TMED8: variants seen among roughly 807,000 people sequenced by gnomAD.
The protein encoded by TMED8 is protein TMED8.
Under a neutral mutation model 32.7 loss-of-function variants are expected in TMED8, and 15 were observed. That is an observed-to-expected ratio of 0.46 (90% CI 0.31 to 0.71). TMED8 has a LOEUF of 0.71. TMED8 is among the 30% of genes least tolerant of loss of function. TMED8 has a pLI of 0.06. For synonymous variants in TMED8, 147 were observed against 161.4 expected (o/e 0.91, Z 0.68); for missense variants, 390 against 423.9 (o/e 0.92, Z 0.70).
Position 77,335,367 on chromosome 14 carries a change from G to T in TMED8, c.*6404C>A, listed in dbSNP as rs1892737027. 1 of 152,158 alleles carries T rather than the reference G, an allele frequency of 6.6e-6. No individual in the cohort carries two copies. Among genetic ancestry groups the T allele is most frequent in the Non-Finnish European group, 1.5e-5 (1 of 68,018 alleles). 9.4% of individuals were successfully genotyped at this position (152,158 alleles called of 1,614,324 possible). The stretch of plus-strand genomic sequence containing the variant: ...ATAAATGATTAGTTGGGATACTTTT[G>T]TATTTTAAAGAAAAAAGATAAAACA... On this transcript the variant is annotated 3_prime_UTR_variant, in exon 6 of 6. Coordinates refer to ENST00000216468, the MANE Select transcript of TMED8 (RefSeq NM_213601.3).
intron 1 of TMED8, among the ~76,000 whole-genome samples, chr14:77,362,530 AC>A (rs1893462815): frequency 6.6e-6 from 1 of 152,338 alleles, no homozygotes; most frequent in Non-Finnish European, 1.5e-5. Flanking sequence ...ATAGAAAATC[AC>A]CAAATCACAA....
Position 77,336,699 on chromosome 14 carries a change from C to T in TMED8, c.*5072G>A, listed in dbSNP as rs572332989. On this transcript the variant is annotated 3_prime_UTR_variant, in exon 6 of 6. Transcript: ENST00000216468. ...CCTCGTTGTGATCAATTTTAAAAGA[C>T]AGTTCTCAAGCAGCACAAAACGGTG... is the stretch of plus-strand genomic sequence containing the variant. The T allele has an allele frequency of 1.3e-5, 2 of 151,612 alleles. No homozygotes were observed. Among genetic ancestry groups the T allele is most frequent in the South Asian group, 2.1e-4 (1 of 4,762 alleles). The allele number at this position is 151,612 out of a possible 1,614,324, so 9.4% of individuals were successfully genotyped here. A position where few individuals can be genotyped will look rare whatever the true frequency, so the allele number is the denominator to read the frequency against.
Position 77,343,252 on chromosome 14 carries a change from G to A in TMED8, c.686C>T (p.Thr229Ile). The change falls in exon 5 of 6, where the codon ACT (threonine) becomes ATT (isoleucine). Residue 229 changes from threonine to isoleucine, a missense_variant. By Grantham distance (89) the Thr-to-Ile change is moderately conservative. Transcript: ENST00000216468. ...VYFDWTPVTS[T>I]DITVQVSDSS... ...ATCACTGACCTGCACAGTTATGTCA[G>A]TGCTAGTTACAGGGGTCCAGTCAAA... 1 of 1,614,190 alleles carries A rather than the reference G, an allele frequency of 6.2e-7. No homozygotes were observed.
At chr14:77,352,605 G>A (rs1893204994) in intron 1 of TMED8, among the ~76,000 whole-genome samples, 1 of 151,536 alleles carries the variant, frequency 6.6e-6, no homozygotes, top group African/African-American at 2.4e-5. Context: ...CGGGCATGGT[G>A]GCACGCAGCT....
intron 1 of TMED8, among the ~76,000 whole-genome samples, chr14:77,369,950 G>C (rs1474170298): frequency 6.6e-6 from 1 of 152,178 alleles, no homozygotes; most frequent in Non-Finnish European, 1.5e-5. Flanking sequence ...GAGGCGGGCA[G>C]ATCACAAGGT....
intron 1 of TMED8, among the ~76,000 whole-genome samples, chr14:77,370,906 G>A (rs531480629): frequency 8.6e-5 from 13 of 151,718 alleles, no homozygotes; most frequent in African/African-American, 2.7e-4. Context: ...CTAAGATCAC[G>A]CCATTGCACT....
intron 1 of TMED8, among the ~76,000 whole-genome samples, chr14:77,363,380 A>G (rs1893481153): frequency 6.6e-6 from 1 of 152,348 alleles, no homozygotes; most frequent in Non-Finnish European, 1.5e-5. Context: ...GTTGAGAAGA[A>G]ATCAAAAGAG....
At chr14:77,355,800 T>C (rs545514064) in intron 1 of TMED8, among the ~76,000 whole-genome samples, 2 of 152,296 alleles carry the variant, frequency 1.3e-5, no homozygotes, top group African/African-American at 4.8e-5. Flanking sequence ...GTGTTGGCCA[T>C]AGTTCATTGG....
chr14:77,354,720 G>A (rs1893252368), intron 1 of TMED8, among the ~76,000 whole-genome samples: 1 of 152,176 alleles, frequency 6.6e-6, no homozygotes, highest in Admixed American at 6.5e-5. Context: ...TTGGGAGGCC[G>A]AGGAAGGTGG....
rs750332638 is a variant in TMED8, at chr14:77,346,437, T to C, written c.239A>G (p.Asp80Gly). The C allele has an allele frequency of 2.5e-6, 4 of 1,614,048 alleles. No homozygotes were observed. Among genetic ancestry groups the C allele is most frequent in the Middle Eastern group, 3.3e-4 (2 of 6,084 alleles). Residue 80 changes from aspartate to glycine, a missense_variant, in exon 3 of 6, where the codon GAT becomes GGT. By Grantham distance (94) the Asp-to-Gly change is moderately conservative. Coordinates refer to ENST00000216468, the MANE Select transcript of TMED8 (RefSeq NM_213601.3). ...VSPVSKDATE[D>G]LRKATGPLEA... is the part of the protein sequence containing the mutation. ...CAAAGGACCAGTTGCTTTCCGCAGA[T>C]CTTCCGTGGCATCCTTACTCACTGG...
intron 2 of TMED8, among the ~76,000 whole-genome samples, chr14:77,348,608 T>C (rs1316764952): frequency 6.6e-6 from 1 of 152,198 alleles, no homozygotes; most frequent in Non-Finnish European, 1.5e-5. Flanking sequence ...TTTAAGAGTA[T>C]AAAGGTCTGA....
In TMED8 at chr14:77,341,993, G is replaced by A. The variant is rs575591191; in HGVS notation, c.761-5C>T. 1.5e-5 allele frequency: 24 copies of A among 1,613,650 alleles called. No homozygotes were observed. The highest frequency in any genetic ancestry group is 5.5e-5 in the South Asian group (5 of 91,030). On this transcript the variant is annotated splice_region_variant and splice_polypyrimidine_tract_variant and intron_variant, in intron 5 of 5. Coordinates refer to ENST00000216468, the MANE Select transcript of TMED8 (RefSeq NM_213601.3). ...CATCTCCAGCTGGAACGGGTTCTGC[G>A]TGAGCAAAATGGCAAAGTGTTCAGA...
intron 2 of TMED8, 130 bp downstream of exon 2, chr14:77,351,543 G>A (rs975108046): frequency 1.0e-5 from 8 of 773,420 alleles, no homozygotes; most frequent in Middle Eastern, 3.8e-4. Flanking sequence ...TTACAGGCGT[G>A]AGCCACTGCG....
In TMED8 at chr14:77,336,483, G is replaced by GCTTAGAAATTTCTTAC. The variant is rs1232261424; in HGVS notation, c.*5272_*5287dup. ...GGTTTTAGGCAATAGTGTTTTCTTA[G>GCTTAGAAATTTCTTAC]CTTAGAAATTTCTTACCTTAAGAAT... is the stretch of plus-strand genomic sequence containing the variant. On this transcript the variant is annotated 3_prime_UTR_variant, in exon 6 of 6. Coordinates refer to ENST00000216468, the MANE Select transcript of TMED8 (RefSeq NM_213601.3). 5 of 152,090 alleles carry GCTTAGAAATTTCTTAC rather than the reference G, an allele frequency of 3.3e-5. No homozygotes were observed. Among genetic ancestry groups the GCTTAGAAATTTCTTAC allele is most frequent in the Non-Finnish European group, 5.9e-5 (4 of 68,012 alleles). The allele number at this position is 152,090 out of a possible 1,614,324, so 9.4% of individuals were successfully genotyped here. A position where few individuals can be genotyped will look rare whatever the true frequency, so the allele number is the denominator to read the frequency against.
intron 1 of TMED8, among the ~76,000 whole-genome samples, chr14:77,363,108 C>T (rs1893474085): frequency 6.6e-6 from 1 of 152,206 alleles, no homozygotes; most frequent in Admixed American, 6.5e-5. Flanking sequence ...GCTTGAACTA[C>T]ACTTAGGACC....
rs563872991 is a variant in TMED8 at position 77,335,897 on chromosome 14, G to A, written c.*5874C>T. On this transcript the variant is annotated 3_prime_UTR_variant, in exon 6 of 6. Transcript: ENST00000216468. ...GGAGTTTTTCATATGGAATTTCTTA[G>A]TAAAATGTACTGTTTAGGATATGAG... 2 of 152,142 alleles carry A rather than the reference G, an allele frequency of 1.3e-5. No homozygotes were observed. The highest frequency in any genetic ancestry group is 4.1e-4 in the South Asian group (2 of 4,830). 9.4% of individuals were successfully genotyped at this position (152,142 alleles called of 1,614,324 possible).
intron 2 of TMED8, among the ~76,000 whole-genome samples, chr14:77,347,898 G>A (rs774108594): frequency 1.3e-5 from 2 of 152,104 alleles, no homozygotes; most frequent in Non-Finnish European, 2.9e-5. Context: ...GGGGCCCTTC[G>A]GGGGAGTCTA....
chr14:77,372,760 A>C (rs1893699947), intron 1 of TMED8, among the ~76,000 whole-genome samples: 1 of 150,468 alleles, frequency 6.6e-6, no homozygotes, highest in Admixed American at 6.7e-5. Context: ...GGCAGACAAA[A>C]TGTTAACATT....
chr14:77,372,943 TATATATA>T lies in TMED8; in HGVS notation c.118+3986_118+3992del, dbSNP rs1566696579. On this transcript the variant is annotated intron_variant, in intron 1 of 5. Coordinates refer to ENST00000216468, the MANE Select transcript of TMED8 (RefSeq NM_213601.3). ...ATATATATATATATATATATATATA[TATATATA>T]TATTTTTTTTTTTTTTTTTTTTTTT... Among the ~76,000 whole-genome samples the T allele has an allele frequency of 2.1e-3, 62 of 29,856 alleles. 1 individual carries two copies. Among genetic ancestry groups the T allele is most frequent in the Non-Finnish European group, 3.0e-3 (54 of 17,922 alleles). 19.6% of individuals were successfully genotyped at this position (29,856 alleles called of 152,430 possible).
Sources: gnomAD v4.1 joint callset for allele counts (sites outside exome capture counted in the v4.1 genomes callset) on GRCh38, gnomAD v4.1.1 for gene constraint, MANE v1.5 for transcripts, NCBI Gene and HGNC (gene_info 2026-07-23, HGNC 2026-07-21) for gene names.